The following TFEC variants were observed in gnomAD, a reference collection of about 807,000 sequenced individuals.
TFEC encodes class E basic helix-loop-helix protein 34.
Under a neutral mutation model 41.6 loss-of-function variants are expected in TFEC, and 31 were observed. The ratio of observed to expected loss-of-function variants is 0.74; its 90% CI spans 0.56 to 1.01. TFEC has a LOEUF of 1.01. TFEC is among the 50% of genes least tolerant of loss of function. The pLI, the probability that TFEC is intolerant of heterozygous loss-of-function variation, is 0.00. For missense variants in TFEC, 402 were observed against 404.1 expected, an observed-to-expected ratio of 0.99 and a Z score of 0.04; for synonymous variants, 143 against 140.6, an observed-to-expected ratio of 1.02 and a Z score of -0.12.
rs187926799 is a variant in TFEC at position 116,096,267 on chromosome 7, G to A, written c.198+14441C>T. 3.9e-4 allele frequency among the ~76,000 whole-genome samples: 59 copies of A among 151,990 alleles called. No individual in the cohort carries two copies. In the East Asian group the frequency reaches 9.1e-3, roughly 23 times the overall value. Reference sequence around the variant, plus strand: ...TCCTGAGATATAAAATTTTAAGGGTGGTTTCTTTATAAAATCTCTGACTGT... The same window carrying A: ...TCCTGAGATATAAAATTTTAAGGGTAGTTTCTTTATAAAATCTCTGACTGT... On this transcript the variant is annotated intron_variant, in intron 3 of 8. Coordinates refer to the TFEC transcript ENST00000484212.
At chr7:116,083,395 A>G (rs1797133595) in intron 3 of TFEC, among the ~76,000 whole-genome samples, 1 of 151,982 alleles carries the variant, frequency 6.6e-6, no homozygotes, top group Non-Finnish European at 1.5e-5. Flanking sequence ...ATACAAATTC[A>G]GCTTATTAAA....
chr7:115,941,719 C>A, intron 7 of TFEC, 174 bp downstream of exon 7: 1 of 732,860 alleles, frequency 1.4e-6, no homozygotes, highest in Non-Finnish European at 2.2e-6. Flanking sequence ...GATTTCTAGT[C>A]AAATCCTAAT....
intron 3 of TFEC, among the ~76,000 whole-genome samples, chr7:116,050,885 T>C (rs1796293291): frequency 6.6e-6 from 1 of 152,116 alleles, no homozygotes; most frequent in Non-Finnish European, 1.5e-5. Flanking sequence ...TAGCAAAGAC[T>C]TGGAACCAAC....
At chr7:116,133,013 T>G (rs1263247709) in intron 1 of TFEC, among the ~76,000 whole-genome samples, 1 of 152,164 alleles carries the variant, frequency 6.6e-6, no homozygotes, top group Non-Finnish European at 1.5e-5. Flanking sequence ...TTCAAAACAG[T>G]TTTAAGACTA....
intron 3 of TFEC, among the ~76,000 whole-genome samples, chr7:116,072,242 T>C (rs1266408164): frequency 3.3e-5 from 5 of 151,506 alleles, no homozygotes; most frequent in African/African-American, 1.2e-4. Flanking sequence ...TATCTACAAA[T>C]AGAGATAGTT....
chr7:115,994,910 C>A (rs943216574), intron 1 of TFEC, among the ~76,000 whole-genome samples: 3 of 152,012 alleles, frequency 2.0e-5, no homozygotes, highest in Non-Finnish European at 2.9e-5. Flanking sequence ...ATGTTTATTG[C>A]GGCACTATTC....
intron 1 of TFEC, among the ~76,000 whole-genome samples, chr7:116,002,216 T>C (rs1054298467): frequency 6.6e-6 from 1 of 152,158 alleles, no homozygotes; most frequent in African/African-American, 2.4e-5. Context: ...CAAAGAGATA[T>C]CTGCACTCCC....
At chr7:115,955,803 T>C (rs1293063682) in intron 4 of TFEC, among the ~76,000 whole-genome samples, 1 of 152,040 alleles carries the variant, frequency 6.6e-6, no homozygotes, top group Admixed American at 6.6e-5. Context: ...TATTTAAATG[T>C]ATTTATTTAA....
chr7:116,092,310 C>T (rs1007804536), intron 3 of TFEC, among the ~76,000 whole-genome samples: 1 of 152,164 alleles, frequency 6.6e-6, no homozygotes, highest in African/African-American at 2.4e-5. Flanking sequence ...CTAGTTACAA[C>T]TTGAAGTTCA....
At chr7:116,111,021 A>T in intron 2 of TFEC, 2 of 569,812 alleles carry the variant, frequency 3.5e-6, no homozygotes, top group Non-Finnish European at 5.5e-6. Context: ...AAATTTAGTA[A>T]ATGATAAGGG....
At chr7:116,008,586 A>G (rs1444827957) in intron 1 of TFEC, among the ~76,000 whole-genome samples, 1 of 152,200 alleles carries the variant, frequency 6.6e-6, no homozygotes, top group African/African-American at 2.4e-5. Context: ...GGGGCTTATG[A>G]AACTACTACC....
intron 3 of TFEC, among the ~76,000 whole-genome samples, chr7:116,094,930 A>C (rs1488322932): frequency 6.6e-6 from 1 of 152,206 alleles, no homozygotes; most frequent in African/African-American, 2.4e-5. Flanking sequence ...ATGTTAATTA[A>C]ACTTACAATC....
chr7:116,125,347 T>C (rs1225991170), intron 1 of TFEC, among the ~76,000 whole-genome samples: 2 of 152,162 alleles, frequency 1.3e-5, no homozygotes, highest in Non-Finnish European at 1.5e-5. Context: ...GTATGATGTA[T>C]AGAAAATGTG....
chr7:116,075,533 G>A (rs1446955278), intron 3 of TFEC, among the ~76,000 whole-genome samples: 1 of 152,146 alleles, frequency 6.6e-6, no homozygotes, highest in East Asian at 1.9e-4. Flanking sequence ...GGTGCTGTTG[G>A]GGGTGGGGCA....
intron 5 of TFEC, among the ~76,000 whole-genome samples, chr7:115,953,933 C>T (rs975035545): frequency 6.6e-6 from 1 of 152,066 alleles, no homozygotes; most frequent in African/African-American, 2.4e-5. Flanking sequence ...TTTGATTTGG[C>T]TTCCAGAACG....
intron 1 of TFEC, among the ~76,000 whole-genome samples, chr7:116,125,877 C>CT (rs1366747655): frequency 2.6e-5 from 4 of 152,054 alleles, no homozygotes; most frequent in Non-Finnish European, 4.4e-5. Context: ...GAGATGAAAG[C>CT]TAAGTTGTGA....
At chr7:116,029,723 T>C (rs926988806) in intron 1 of TFEC, among the ~76,000 whole-genome samples, 34 of 152,134 alleles carry the variant, frequency 2.2e-4, no homozygotes, top group African/African-American at 7.2e-4. Context: ...TGTACATGTG[T>C]ATAAATATCT....
intron 1 of TFEC, among the ~76,000 whole-genome samples, chr7:116,157,118 G>A (rs770142339): frequency 3.3e-5 from 5 of 152,060 alleles, no homozygotes; most frequent in African/African-American, 4.8e-5. Flanking sequence ...TTTTAAAATT[G>A]TATCCTTCTT....
intron 3 of TFEC, among the ~76,000 whole-genome samples, chr7:116,090,161 T>C (rs539560294): frequency 1.3e-5 from 2 of 152,322 alleles, no homozygotes; most frequent in African/African-American, 2.4e-5. Context: ...AAAGTACTTC[T>C]GATTGGTTGA....
Sources: allele counts gnomAD v4.1 joint callset (sites outside exome capture counted in the v4.1 genomes callset), GRCh38; gene constraint gnomAD v4.1.1; transcripts MANE v1.5; gene names NCBI Gene and HGNC (gene_info 2026-07-23, HGNC 2026-07-21).